The following NKAIN2 variants were observed in gnomAD, a reference collection of about 807,000 sequenced individuals.
NKAIN2 encodes the protein sodium/potassium-transporting ATPase subunit beta-1-interacting protein 2.
In NKAIN2, 14 loss-of-function variants were observed where a neutral mutation model predicts 32.6. That is an observed-to-expected ratio of 0.43 (90% CI 0.28 to 0.67). The LOEUF (loss-of-function observed/expected upper bound fraction) is 0.67, where lower values mean the gene tolerates loss of function less well. Among genes scored for constraint, NKAIN2 ranks in the 30% least tolerant of loss-of-function variants. The pLI, the probability that NKAIN2 is intolerant of heterozygous loss-of-function variation, is 0.17. For missense variants in NKAIN2, 198 were observed against 258.3 expected (o/e 0.77, Z 1.60); for synonymous variants, 80 against 87.2 (o/e 0.92, Z 0.46).
chr6:124,015,120 T>C (rs781673228), intron 1 of NKAIN2, among the ~76,000 whole-genome samples: 3 of 152,204 alleles, frequency 2.0e-5, no homozygotes, highest in Non-Finnish European at 4.4e-5. Context: ...GGGCATGTGC[T>C]ACTGCCTGTC....
chr6:124,174,808 G>A (rs1049095162), intron 1 of NKAIN2, among the ~76,000 whole-genome samples: 1 of 152,100 alleles, frequency 6.6e-6, no homozygotes, highest in Non-Finnish European at 1.5e-5. Flanking sequence ...GTGTCCAGGA[G>A]GAAGGAAAAA....
intron 3 of NKAIN2, among the ~76,000 whole-genome samples, chr6:124,653,750 C>T (rs898526490): frequency 1.3e-5 from 2 of 152,002 alleles, no homozygotes; most frequent in African/African-American, 4.8e-5. Context: ...TTGCAAAAGA[C>T]ATATATGATA....
intron 1 of NKAIN2, among the ~76,000 whole-genome samples, chr6:124,015,138 C>A (rs1439597391): frequency 2.0e-5 from 3 of 152,092 alleles, no homozygotes; most frequent in Non-Finnish European, 4.4e-5. Context: ...GTCCAAATAC[C>A]ATTTCTCTCA....
At chr6:123,844,787 C>A (rs1025224682) in intron 1 of NKAIN2, among the ~76,000 whole-genome samples, 1 of 152,184 alleles carries the variant, frequency 6.6e-6, no homozygotes, top group Non-Finnish European at 1.5e-5. Context: ...ATTTTATGTT[C>A]CTTCTACATC....
chr6:124,454,115 G>A (rs943021123), intron 3 of NKAIN2, among the ~76,000 whole-genome samples: 1 of 138,386 alleles, frequency 7.2e-6, no homozygotes, highest in Non-Finnish European at 1.6e-5. Flanking sequence ...TTGGGGGGGG[G>A]GGTTGCTGGT....
intron 1 of NKAIN2, among the ~76,000 whole-genome samples, chr6:123,989,035 G>A (rs1779296380): frequency 6.6e-6 from 1 of 151,974 alleles, no homozygotes; most frequent in South Asian, 2.1e-4. Context: ...TAGGAGAATT[G>A]AACACATATA....
At chr6:124,676,822 C>T (rs763482508) in intron 4 of NKAIN2, among the ~76,000 whole-genome samples, 1 of 152,146 alleles carries the variant, frequency 6.6e-6, no homozygotes, top group African/African-American at 2.4e-5. Context: ...CCCACCCCTA[C>T]ACTTTTTTGG....
intron 1 of NKAIN2, among the ~76,000 whole-genome samples, chr6:123,979,615 C>A (rs1312888889): frequency 6.6e-6 from 1 of 152,124 alleles, no homozygotes; most frequent in Non-Finnish European, 1.5e-5. Flanking sequence ...CTGACTGGAA[C>A]CCAATACAAC....
At chr6:124,059,674 G>T (rs752072632) in intron 1 of NKAIN2, among the ~76,000 whole-genome samples, 1 of 152,118 alleles carries the variant, frequency 6.6e-6, no homozygotes, top group Non-Finnish European at 1.5e-5. Context: ...TGCTTCAGAG[G>T]TTCCATCCAC....
Position 124,138,650 on chromosome 6 carries a change from ATAATTATGTTATATTAT to A in NKAIN2, c.55-144340_55-144324del, listed in dbSNP as rs928500277. Among the ~76,000 whole-genome samples, 107 of 101,484 alleles carry A rather than the reference ATAATTATGTTATATTAT, an allele frequency of 1.1e-3. 2 individuals are homozygous for A. Among genetic ancestry groups the A allele is most frequent in the African/African-American group, 4.0e-3 (95 of 23,986 alleles). The allele number at this position is 101,484 out of a possible 152,430, so 66.6% of individuals were successfully genotyped here. ...AATAATAATAGGATAATTATTATTA[ATAATTATGTTATATTAT>A]TAATTATGTTATATAAGTGGATATA... On this transcript the variant is annotated intron_variant, in intron 1 of 6. Coordinates refer to ENST00000368417, the MANE Select transcript of NKAIN2 (RefSeq NM_001040214.3).
intron 1 of NKAIN2, among the ~76,000 whole-genome samples, chr6:123,991,886 A>G (rs1180794521): frequency 6.6e-6 from 1 of 151,920 alleles, no homozygotes; most frequent in African/African-American, 2.4e-5. Flanking sequence ...GTGTATATAT[A>G]TACATATATA....
intron 3 of NKAIN2, among the ~76,000 whole-genome samples, chr6:124,478,017 C>CT: frequency 6.6e-6 from 1 of 151,962 alleles, no homozygotes; most frequent in African/African-American, 2.4e-5. Flanking sequence ...TCCTGCCACA[C>CT]TTTTCCTTTG....
intron 1 of NKAIN2, among the ~76,000 whole-genome samples, chr6:123,967,464 C>T (rs377384247): frequency 1.3e-5 from 2 of 152,162 alleles, no homozygotes; most frequent in Non-Finnish European, 1.5e-5. Context: ...AACTTGCCCC[C>T]CTTTTGACTC....
chr6:124,664,893 A>ATGTT (rs778284039), intron 4 of NKAIN2, among the ~76,000 whole-genome samples: 1 of 151,022 alleles, frequency 6.6e-6, no homozygotes. Flanking sequence ...ATTACATAAA[A>ATGTT]TGTTTGATCT....
chr6:123,880,257 G>C (rs1054554325), intron 1 of NKAIN2, among the ~76,000 whole-genome samples: 1 of 152,196 alleles, frequency 6.6e-6, no homozygotes, highest in Non-Finnish European at 1.5e-5. Flanking sequence ...CCACTGGCTT[G>C]TGCCATTTGG....
intron 1 of NKAIN2, among the ~76,000 whole-genome samples, chr6:124,121,420 T>C (rs79268028): frequency 0.081 from 12,345 of 152,050 alleles, 863 homozygotes; most frequent in African/African-American, 0.17. Flanking sequence ...AGTACATAGG[T>C]ATATCTATAC....
chr6:123,939,158 G>C (rs1204587300), intron 1 of NKAIN2, among the ~76,000 whole-genome samples: 1 of 151,866 alleles, frequency 6.6e-6, no homozygotes, highest in Non-Finnish European at 1.5e-5. Flanking sequence ...AGAGGCTTGG[G>C]GTTCTGAATA....
At chr6:123,806,855 C>A (rs190708225) in intron 1 of NKAIN2, among the ~76,000 whole-genome samples, 6 of 152,002 alleles carry the variant, frequency 3.9e-5, no homozygotes, top group African/African-American at 1.4e-4. Context: ...AAACATTAAT[C>A]TCCAGTCCTC....
At chr6:124,332,246 C>G (rs1043292553) in intron 2 of NKAIN2, among the ~76,000 whole-genome samples, 147 of 150,866 alleles carry the variant, frequency 9.7e-4, no homozygotes, top group African/African-American at 3.0e-3. Flanking sequence ...CACACACACA[C>G]AGAGAGAGAG....
Sources: allele counts gnomAD v4.1 joint callset (sites outside exome capture counted in the v4.1 genomes callset), GRCh38; gene constraint gnomAD v4.1.1; transcripts MANE v1.5; gene names NCBI Gene and HGNC (gene_info 2026-07-23, HGNC 2026-07-21).